The following HSPG2 variants were observed in gnomAD, a reference collection of about 807,000 sequenced individuals.
HSPG2 encodes basement membrane-specific heparan sulfate proteoglycan core protein.
Under a neutral mutation model 526.6 loss-of-function variants are expected in HSPG2, and 278 were observed. That is an observed-to-expected ratio of 0.53 (90% CI 0.48 to 0.58). The LOEUF is 0.58. HSPG2 is among the 20% of genes least tolerant of loss of function. The probability of loss-of-function intolerance (pLI) is 0.00; values close to 1 mark genes in which losing one functional copy is unlikely to be tolerated. For synonymous variants in HSPG2, 2,465 were observed against 2,555.4 expected (o/e 0.96, Z 1.07); for missense variants, 5,354 against 6,099.5 (o/e 0.88, Z 4.07).
chr1:21,885,502 T>C (rs540386447), intron 9 of HSPG2, 51 bp from the exon 10 acceptor site: 2 of 1,608,542 alleles, frequency 1.2e-6, no homozygotes, highest in East Asian at 2.2e-5. Context: ...CCATCCTCCC[T>C]GGGCATCCCC....
chr1:21,861,650 G>C (rs1443399734), intron 39 of HSPG2, 107 bp downstream of exon 39: 1 of 1,017,246 alleles, frequency 9.8e-7, no homozygotes, highest in Non-Finnish European at 1.5e-6. Flanking sequence ...GGCAGGGAAG[G>C]AGCATAATCC....
Position 21,847,589 on chromosome 1 carries a change from T to C in HSPG2, c.8026-97A>G. 2.5e-6 allele frequency: 4 copies of C among 1,604,688 alleles called. No homozygotes were observed. In the Admixed American group the frequency reaches 6.7e-5, roughly 27 times the overall value. On this transcript the variant is annotated intron_variant, in intron 61 of 96. Transcript: ENST00000374695. This position sits in a 1 kb window ranked among gnomAD's most constrained non-coding sequence, Gnocchi z 4.1. Reference sequence around the variant, plus strand: ...TTCCTGCTCAGCCTGTTGAGGCTGCTATCGGTCTACCCAGGGCCCAATCCG... The same window carrying C: ...TTCCTGCTCAGCCTGTTGAGGCTGCCATCGGTCTACCCAGGGCCCAATCCG...
At position 21,872,592 on chromosome 1, in the gene HSPG2, CCTGGGG is replaced by C. The variant is rs1296826527; in HGVS notation, c.4029+22_4029+27del. ...TAACAGGCAGCAGGTGGCAACACCGCCTGGGGCTGGGCAGCACAGGCTCTCACCAGG... is the reference window on the plus strand; with the variant it reads ...TAACAGGCAGCAGGTGGCAACACCGCCTGGGCAGCACAGGCTCTCACCAGG... On this transcript the variant is annotated intron_variant, in intron 32 of 96. Transcript: ENST00000374695. The surrounding 1 kb of genome is among the most constrained non-coding windows in gnomAD (Gnocchi z 5.5). The C allele has an allele frequency of 4.5e-6, 7 of 1,569,200 alleles. No individual in the cohort carries two copies. The African/African-American group carries it at 9.4e-5, about 21-fold the overall frequency.
At chr1:21,851,193 GA>G in intron 55 of HSPG2, 1 of 335,532 alleles carries the variant, frequency 3.0e-6, no homozygotes, top group South Asian at 2.9e-5. Flanking sequence ...GGCTGGTCTC[GA>G]ACTCCCGACC....
In HSPG2 at chr1:21,888,696, C is replaced by T. The variant is rs549295963; in HGVS notation, c.575-630G>A. On this transcript the variant is annotated intron_variant, in intron 6 of 96. Transcript: ENST00000374695. ...GTGTCACTGCGACCGCCACAGCGGC[C>T]GGCGGGGGTGGGGGGGTCTGTGCTG... 1.2e-4 allele frequency: 165 copies of T among 1,365,292 alleles called. No homozygotes were observed. In the East Asian group the frequency reaches 6.8e-3, roughly 56 times the overall value. The allele number at this position is 1,365,292 out of a possible 1,614,324, so 84.6% of individuals were successfully genotyped here. A position where few individuals can be genotyped will look rare whatever the true frequency, so the allele number is the denominator to read the frequency against.
At chr1:21,883,795 C>T (rs1353549607) in intron 13 of HSPG2, among the ~76,000 whole-genome samples, 1 of 152,236 alleles carries the variant, frequency 6.6e-6, no homozygotes, top group Non-Finnish European at 1.5e-5. Flanking sequence ...AACGACAGAG[C>T]TGGGACCTGA....
In HSPG2 at chr1:21,859,939, G is replaced by A. The variant is rs984184345; in HGVS notation, c.5078C>T (p.Ser1693Phe). The A allele has an allele frequency of 1.2e-6, 2 of 1,610,586 alleles. No individual in the cohort carries two copies. Among genetic ancestry groups the A allele is most frequent in the Non-Finnish European group, 1.7e-6 (2 of 1,179,396 alleles). The change falls in exon 41 of 97, where the codon TCC (serine) becomes TTC (phenylalanine). Residue 1693 changes from serine to phenylalanine, a missense_variant. Physicochemically the swap from Ser to Phe is radical, Grantham distance 155. Transcript: ENST00000374695. The surrounding 1 kb of genome is among the most constrained non-coding windows in gnomAD (Gnocchi z 5.3). ...PARSIVPQGGSHSLRCQVSGS... is the reference protein window; with the variant it reads ...PARSIVPQGGFHSLRCQVSGS... ...ACTGACCTGACACCGCAGGGAGTGG[G>A]AGCCACCTTGGGGCACTATGCTTCG...
chr1:21,863,782 G>A (rs1337577834), intron 37 of HSPG2, among the ~76,000 whole-genome samples: 1 of 152,000 alleles, frequency 6.6e-6, no homozygotes, highest in African/African-American at 2.4e-5. Context: ...CGAGGCGGGT[G>A]GGTTGCTTGA....
In HSPG2 at chr1:21,864,177, G is replaced by C; in HGVS notation, c.4663C>G (p.Leu1555Val). ...APGYTRTGSG[L>V]YLGHCELCEC... ...CATAGCTCGCAGTGGCCGAGGTAGA[G>C]CCCACTCCCGGTGCGCGTGTAGCCG... The change falls in exon 37 of 97, where the codon CTC becomes GTC. Residue 1555 changes from leucine (L) to valine (V), a missense_variant. Leu to Val is a conservative substitution (Grantham distance 32). Coordinates refer to ENST00000374695, the MANE Select transcript of HSPG2 (RefSeq NM_005529.7). This position sits in a 1 kb window ranked among gnomAD's most constrained non-coding sequence, Gnocchi z 4.8. The C allele has an allele frequency of 6.4e-7, 1 of 1,554,516 alleles. No individual in the cohort carries two copies. The highest frequency in any genetic ancestry group is 2.4e-5 in the East Asian group (1 of 41,164).
chr1:21,841,539 C>T lies in HSPG2; in HGVS notation c.9328G>A (p.Gly3110Arg), dbSNP rs770470163. ...CCCCACAGGGTCAACGTCCCCTCAC[C>T]GTGCACACTGAGGTTCACCACACTC... ...AQSVVNLSVH[G>R]PPTVSVLPEG... Residue 3110 changes from glycine to arginine, a missense_variant and splice_region_variant, in exon 70 of 97, where the codon GGG becomes AGG. Transcript: ENST00000374695. The T allele has an allele frequency of 7.4e-5, 120 of 1,614,064 alleles. No homozygotes were observed. The highest frequency in any genetic ancestry group is 9.5e-5 in the Non-Finnish European group (112 of 1,179,990).
chr1:21,851,301 G>A (rs995636355), intron 55 of HSPG2: 2 of 585,262 alleles, frequency 3.4e-6, no homozygotes, highest in African/African-American at 3.7e-5. Context: ...CATTTTATAG[G>A]CCCTGAAACT....
intron 1 of HSPG2, among the ~76,000 whole-genome samples, chr1:21,907,100 G>A (rs34860998): frequency 0.011 from 1,737 of 152,306 alleles, 21 homozygotes; most frequent in South Asian, 0.022. Flanking sequence ...CTGGCCATCA[G>A]TCTGCTCTCT....
chr1:21,862,349 C>T lies in HSPG2; in HGVS notation c.4741-234G>A, dbSNP rs186850968. Among the ~76,000 whole-genome samples the T allele has an allele frequency of 4.4e-3, 667 of 152,126 alleles. 3 individuals carry two copies. Among genetic ancestry groups the T allele is most frequent in the Admixed American group, 8.2e-3 (126 of 15,292 alleles). On this transcript the variant is annotated intron_variant, in intron 37 of 96. Transcript: ENST00000374695. ...CTGTAATCCCAGCACTCTGGGAGGC[C>T]GAGGCGGGTGGATCACCTGAGGTCA...
intron 1 of HSPG2, among the ~76,000 whole-genome samples, chr1:21,932,363 T>G (rs1256079036): frequency 1.5e-4 from 23 of 152,192 alleles, no homozygotes. Flanking sequence ...TGTAAGTCAC[T>G]GGGCAAGTTA....
At chr1:21,850,318 T>A in intron 56 of HSPG2, 45 bp downstream of exon 56, 1 of 1,603,702 alleles carries the variant, frequency 6.2e-7, no homozygotes, top group Non-Finnish European at 8.5e-7. Context: ...GTGGGGGGCC[T>A]CCCACCCTGG....
In HSPG2 at chr1:21,839,101, C is replaced by A; in HGVS notation, c.9890-16G>T. 11 of 1,570,428 alleles carry A rather than the reference C, an allele frequency of 7.0e-6. No homozygotes were observed. The highest frequency in any genetic ancestry group is 9.5e-6 in the Non-Finnish European group (11 of 1,154,006). On this transcript the variant is annotated splice_polypyrimidine_tract_variant and intron_variant, in intron 73 of 96. Coordinates refer to ENST00000374695, the MANE Select transcript of HSPG2 (RefSeq NM_005529.7). This position sits in a 1 kb window ranked among gnomAD's most constrained non-coding sequence, Gnocchi z 4.5. ...TATGGTGGGCCTGAGTGGGGGGACA[C>A]AGAGGTCAGGATTGGGGAGGGCAAA...
At chr1:21,844,085 C>G (rs1425478247) in intron 65 of HSPG2, 63 bp downstream of exon 65, 2 of 1,595,288 alleles carry the variant, frequency 1.3e-6, no homozygotes, top group African/African-American at 1.3e-5. Flanking sequence ...CCCTTCAACG[C>G]TGGATTCAGG....
rs1283848891 is a variant in HSPG2 at position 21,839,023 on chromosome 1, G to A, written c.9952C>T (p.Leu3318Phe). 1.2e-6 allele frequency: 2 copies of A among 1,605,150 alleles called. No individual in the cohort carries two copies. Among genetic ancestry groups the A allele is most frequent in the African/African-American group, 1.3e-5 (1 of 74,772 alleles). Reference sequence around the variant, plus strand: ...GGTGTCCCGTGAGCCAGGCACTGGAGCTGCACCGTCTCCCCTGCCTGCACC... The same window carrying A: ...GGTGTCCCGTGAGCCAGGCACTGGAACTGCACCGTCTCCCCTGCCTGCACC... ...ASVQAGETVQLQCLAHGTPPL... is the reference protein window; with the variant it reads ...ASVQAGETVQFQCLAHGTPPL... Residue 3318 changes from leucine to phenylalanine, a missense_variant, in exon 74 of 97, where the codon CTC becomes TTC. Physicochemically the swap from Leu to Phe is conservative, Grantham distance 22. Coordinates refer to ENST00000374695, the MANE Select transcript of HSPG2 (RefSeq NM_005529.7). The surrounding 1 kb of genome is among the most constrained non-coding windows in gnomAD (Gnocchi z 4.5).
At chr1:21,845,138 C>T (rs1638327528) in intron 64 of HSPG2, among the ~76,000 whole-genome samples, 1 of 152,126 alleles carries the variant, frequency 6.6e-6, no homozygotes, top group Non-Finnish European at 1.5e-5. Flanking sequence ...CCCAGCTACT[C>T]AGGAGGCTGA....
Sources: allele counts gnomAD v4.1 joint callset (sites outside exome capture counted in the v4.1 genomes callset), GRCh38; gene constraint gnomAD v4.1.1; non-coding constraint Gnocchi (gnomAD v3.1); transcripts MANE v1.5; gene names NCBI Gene and HGNC (gene_info 2026-07-23, HGNC 2026-07-21).